The following VPS72 variants were observed in gnomAD, a reference collection of about 807,000 sequenced individuals.
VPS72 encodes vacuolar protein sorting 72 homolog.
A neutral mutation model predicts 38.9 loss-of-function variants in VPS72; 27 were observed. The ratio of observed to expected loss-of-function variants is 0.69; its 90% CI spans 0.51 to 0.96. The LOEUF (loss-of-function observed/expected upper bound fraction) is 0.96. VPS72 is among the 40% of genes least tolerant of loss of function. The pLI, the probability that VPS72 is intolerant of heterozygous loss-of-function variation, is 0.00. For missense variants in VPS72, 360 were observed against 479.5 expected, an observed-to-expected ratio of 0.75 and a Z score of 2.33; for synonymous variants, 173 against 186.3, an observed-to-expected ratio of 0.93 and a Z score of 0.58.
chr1:151,182,308 T>C (rs746414093), intron 4 of VPS72, among the ~76,000 whole-genome samples: 6 of 152,086 alleles, frequency 3.9e-5, no homozygotes, highest in Non-Finnish European at 8.8e-5. Flanking sequence ...GGATTACAGG[T>C]GTGAGCCACG....
chr1:151,176,719 G>T lies in VPS72; in HGVS notation c.1020C>A (p.Gly340=), dbSNP rs745522890. 1.2e-6 allele frequency: 2 copies of T among 1,614,072 alleles called. No homozygotes were observed. The highest frequency in any genetic ancestry group is 1.7e-6 in the Non-Finnish European group (2 of 1,180,044). ...HGLPPTASAL[G]PGPPPPEPLP... is the part of the protein sequence containing the mutation. ...GGGGCTCAGGAGGTGGCGGGCCGGG[G>T]CCCAGGGCTGAGGCAGTGGGCGGCA... The change falls in exon 6 of 6, where the codon GGC becomes GGA. Residue 340 remains glycine, a synonymous_variant. Transcript: ENST00000368892.
At chr1:151,179,554 G>A (rs932352482) in intron 4 of VPS72, among the ~76,000 whole-genome samples, 12 of 151,492 alleles carry the variant, frequency 7.9e-5, no homozygotes, top group African/African-American at 2.7e-4. Flanking sequence ...AGCTGAGATC[G>A]CGCCACTGCA....
In VPS72 at chr1:151,185,259, G is replaced by A. The variant is rs1190661010; in HGVS notation, c.385+247C>T. Among the ~76,000 whole-genome samples the A allele has an allele frequency of 2.0e-5, 3 of 152,052 alleles. No individual in the cohort carries two copies. In the South Asian group the frequency reaches 6.2e-4, roughly 32 times the overall value. The stretch of plus-strand genomic sequence containing the variant: ...TCCTGCCTCAGCCTCCCAAGTAGCT[G>A]GGATTACAGGGGCCCACCACCACAC... On this transcript the variant is annotated intron_variant, in intron 3 of 5. Coordinates refer to ENST00000368892, the MANE Select transcript of VPS72 (RefSeq NM_005997.3).
chr1:151,184,308 C>T lies in VPS72; in HGVS notation c.562+9G>A. The T allele has an allele frequency of 6.2e-7, 1 of 1,612,562 alleles. No homozygotes were observed. The highest frequency in any genetic ancestry group is 1.1e-5 in the South Asian group (1 of 91,026). On this transcript the variant is annotated intron_variant, in intron 4 of 5. Transcript: ENST00000368892. The stretch of plus-strand genomic sequence containing the variant: ...CCTCTACTCACTTTTTCTGAAACCA[C>T]AGACTTACCCAGTGACCGTAAATTA...
chr1:151,179,900 A>G (rs1479829077), intron 4 of VPS72, among the ~76,000 whole-genome samples: 1 of 152,108 alleles, frequency 6.6e-6, no homozygotes, highest in African/African-American at 2.4e-5. Context: ...TCCAAAGACA[A>G]AACAAACATA....
chr1:151,184,269 C>T (rs781097973), intron 4 of VPS72, 48 bp downstream of exon 4: 30 of 1,585,682 alleles, frequency 1.9e-5, no homozygotes, highest in Non-Finnish European at 2.5e-5. Context: ...TGGTTTTTCT[C>T]ATGCCCCTCA....
In VPS72 at chr1:151,176,845, T is replaced by C. The variant is rs1684114180; in HGVS notation, c.894A>G (p.Pro298=). The C allele has an allele frequency of 6.2e-7, 1 of 1,614,168 alleles. No individual in the cohort carries two copies. Among genetic ancestry groups the C allele is most frequent in the Non-Finnish European group, 8.5e-7 (1 of 1,180,030 alleles). Reference sequence around the variant, plus strand: ...CTGTAACAGGGTCCCGGTATAGGGCTGGACGATGGGTCACTGGACAGACCT... The same window carrying C: ...CTGTAACAGGGTCCCGGTATAGGGCCGGACGATGGGTCACTGGACAGACCT... ...VREVCPVTHR[P]ALYRDPVTDI... Residue 298 remains proline, a synonymous_variant, in exon 6 of 6, where the codon CCA becomes CCG. Coordinates refer to ENST00000368892, the MANE Select transcript of VPS72 (RefSeq NM_005997.3).
chr1:151,180,179 C>T (rs939311490), intron 4 of VPS72, among the ~76,000 whole-genome samples: 1 of 150,596 alleles, frequency 6.6e-6, no homozygotes, highest in Non-Finnish European at 1.5e-5. Context: ...ATTAGCTGGG[C>T]GTGGTGGCTT....
At chr1:151,182,225 C>G (rs1245568917) in intron 4 of VPS72, among the ~76,000 whole-genome samples, 4 of 152,126 alleles carry the variant, frequency 2.6e-5, no homozygotes, top group Non-Finnish European at 5.9e-5. Context: ...GACAGGGTTT[C>G]TCCATGTTGG....
At chr1:151,186,144 T>C (rs1684343803) in intron 1 of VPS72, among the ~76,000 whole-genome samples, 194 bp from the exon 2 acceptor site, 1 of 152,150 alleles carries the variant, frequency 6.6e-6, no homozygotes, top group Non-Finnish European at 1.5e-5. Context: ...CCAACATTAA[T>C]TGATAGCCCT....
Position 151,182,322 on chromosome 1 carries a change from C to A in VPS72, c.562+1995G>T, listed in dbSNP as rs776768169. On this transcript the variant is annotated intron_variant, in intron 4 of 5. Transcript: ENST00000368892. ...GGGATTACAGGTGTGAGCCACGGCG[C>A]CCGGCCACCACACTTTCTTTCTCCC... Among the ~76,000 whole-genome samples the A allele has an allele frequency of 4.5e-4, 69 of 152,164 alleles. 1 individual carries two copies. The highest frequency in any genetic ancestry group is 1.3e-4 in the Non-Finnish European group (9 of 68,038).
chr1:151,177,868 G>C, intron 5 of VPS72, 133 bp downstream of exon 5: 1 of 990,244 alleles, frequency 1.0e-6, no homozygotes, highest in South Asian at 1.6e-5. Context: ...AAAAGAAATT[G>C]AGCTGAAGGG....
At chr1:151,185,087 A>G (rs1164588551) in intron 3 of VPS72, among the ~76,000 whole-genome samples, 1 of 152,162 alleles carries the variant, frequency 6.6e-6, no homozygotes, top group Admixed American at 6.6e-5. Flanking sequence ...TTTCCTAAGA[A>G]TGAGGATTTT....
chr1:151,185,603 T>C lies in VPS72; in HGVS notation c.288A>G (p.Leu96=), dbSNP rs1684332595. 1 of 1,614,028 alleles carries C rather than the reference T, an allele frequency of 6.2e-7. No individual in the cohort carries two copies. Among genetic ancestry groups the C allele is most frequent in the Admixed American group, 1.7e-5 (1 of 59,970 alleles). Reference sequence around the variant, plus strand: ...CCGGGGTGTTGACCTTTCGAGGCCTTAAGCTCTTGAGAGGTTCCTGAGGAC... The same window carrying C: ...CCGGGGTGTTGACCTTTCGAGGCCTCAAGCTCTTGAGAGGTTCCTGAGGAC... The part of the protein sequence containing the change: ...TKAYKEPLKS[L]RPRKVNTPAG... The change falls in exon 3 of 6, where the codon TTA becomes TTG. Residue 96 remains leucine (L), a synonymous_variant. Transcript: ENST00000368892.
At position 151,185,786 on chromosome 1, in the gene VPS72, CT is replaced by C; in HGVS notation, c.270+11del. The C allele has an allele frequency of 6.2e-7, 1 of 1,613,634 alleles. No homozygotes were observed. The highest frequency in any genetic ancestry group is 8.5e-7 in the Non-Finnish European group (1 of 1,179,772). On this transcript the variant is annotated intron_variant, in intron 2 of 5. Transcript: ENST00000368892. ...TTGAGGAAATCCAAGACAACTAGGA[CT>C]CCCCCTGTACCTTATAGGCCTTGGT...
intron 3 of VPS72, 69 bp from the exon 4 acceptor site, chr1:151,184,562 ATGT>A: frequency 7.0e-7 from 1 of 1,432,258 alleles, no homozygotes; most frequent in Non-Finnish European, 9.3e-7. Context: ...TTATTTTGAA[ATGT>A]TGTACTTGGA....
intron 4 of VPS72, among the ~76,000 whole-genome samples, chr1:151,181,711 C>G (rs1684242999): frequency 6.6e-6 from 1 of 152,182 alleles, no homozygotes; most frequent in Non-Finnish European, 1.5e-5. Flanking sequence ...TAGCCTTCAG[C>G]AGGTCCCTCA....
chr1:151,185,383 C>T (rs1208669872), intron 3 of VPS72, 123 bp downstream of exon 3: 7 of 940,244 alleles, frequency 7.4e-6, no homozygotes, highest in Admixed American at 7.1e-5. Flanking sequence ...GCCTAGGCCT[C>T]CCAAAGTGCT....
rs755130198 is a variant in VPS72 at position 151,178,138 on chromosome 1, A to C, written c.570T>G (p.Tyr190Ter). ...EELNLRSLETYERLEADKKKQ... is the reference protein window; with the variant it reads ...EELNLRSLET ...TCTTTTTATCAGCCTCGAGCCGCTC[A>C]TATGTCTCTTTAGGGTCAAAGGAAG... The change falls in exon 5 of 6, where the codon TAT (tyrosine) becomes TAG (stop). Residue 190 changes from tyrosine (Y) to a stop codon, truncating the protein, a stop_gained. Transcript: ENST00000368892. LOFTEE classifies it high-confidence loss of function. The C allele has an allele frequency of 6.2e-7, 1 of 1,613,814 alleles. No homozygotes were observed. The highest frequency in any genetic ancestry group is 8.5e-7 in the Non-Finnish European group (1 of 1,179,978).
Sources: allele counts gnomAD v4.1 joint callset (sites outside exome capture counted in the v4.1 genomes callset), GRCh38; gene constraint gnomAD v4.1.1; transcripts MANE v1.5; gene names NCBI Gene and HGNC (gene_info 2026-07-23, HGNC 2026-07-21).